NRG4: variants seen among roughly 807,000 people sequenced by gnomAD.
The protein encoded by NRG4 is neuregulin 4.
NRG4 carries 10 observed loss-of-function variants against 15.0 expected under a neutral mutation model. That is an observed-to-expected ratio of 0.67 (90% confidence interval 0.41 to 1.13). The LOEUF is 1.13. Ranked by LOEUF, NRG4 falls within the 50% of genes most tolerant of loss-of-function variation. NRG4 has a pLI of 0.00. For synonymous variants in NRG4, 41 were observed against 50.1 expected (o/e 0.82, Z 0.77); for missense variants, 139 against 140.2 (o/e 0.99, Z 0.04).
At chr15:75,968,094 T>G (rs921418678) in intron 3 of NRG4, among the ~76,000 whole-genome samples, 2 of 152,224 alleles carry the variant, frequency 1.3e-5, no homozygotes, top group African/African-American at 4.8e-5. Flanking sequence ...CATTCGCTAG[T>G]CTTTTCCAAT....
chr15:76,053,001 G>C (rs1358381060), intron 2 of NRG4: 1 of 150,942 alleles, frequency 6.6e-6, no homozygotes, highest in African/African-American at 2.5e-5. Context: ...AAAGTAAAAA[G>C]ACAAATTTTC....
At chr15:75,956,082 GAAAGT>G in intron 4 of NRG4, 71 bp from the exon 5 acceptor site, 2 of 736,564 alleles carry the variant, frequency 2.7e-6, no homozygotes, top group Middle Eastern at 2.4e-4. Flanking sequence ...GACCTAGAAA[GAAAGT>G]TTTTTTTTTT....
At chr15:76,056,948 A>T in intron 2 of NRG4, 1 of 152,224 alleles carries the variant, frequency 6.6e-6, no homozygotes, top group East Asian at 1.9e-4. Context: ...AGAAAATCTG[A>T]CTTACCTCAA....
intron 4 of NRG4, among the ~76,000 whole-genome samples, chr15:76,051,555 G>A (rs2036016614): frequency 6.8e-6 from 1 of 147,450 alleles, no homozygotes; most frequent in Admixed American, 6.7e-5. Context: ...ACATATAATT[G>A]AACAATCTTC....
intron 3 of NRG4, among the ~76,000 whole-genome samples, chr15:75,987,104 T>A (rs2033825637): frequency 6.6e-6 from 1 of 151,970 alleles, no homozygotes. Context: ...GGCCCCCAGA[T>A]CACAACAGCA....
upstream of NRG4, chr15:76,059,887 G>A (rs1216389127): frequency 6.8e-6 from 1 of 146,010 alleles, no homozygotes; most frequent in Non-Finnish European, 1.5e-5. Context: ...GCCCCCGAGC[G>A]CGGTGGGCGG....
chr15:75,946,814 AC>A (rs764644969), intron 5 of NRG4, among the ~76,000 whole-genome samples: 7 of 152,114 alleles, frequency 4.6e-5, no homozygotes, highest in Non-Finnish European at 1.0e-4. Context: ...CACAATACTT[AC>A]CTTTCGTGTT....
chr15:75,990,671 G>GT (rs374504639), intron 3 of NRG4, among the ~76,000 whole-genome samples: 54,768 of 130,264 alleles, frequency 0.42, 11,595 homozygotes, highest in South Asian at 0.62. Flanking sequence ...GTTGGTAATT[G>GT]TTTTTTTTTT....
chr15:76,059,892 G>GGGCGGAGGGGCGGAGGGAGC (rs1230107034), upstream of NRG4: 370 of 146,340 alleles, frequency 2.5e-3, no homozygotes, highest in African/African-American at 7.9e-3. Context: ...CGAGCGCGGT[G>GGGCGGAGGGGCGGAGGGAGC]GGCGGAGGGG....
intron 2 of NRG4, among the ~76,000 whole-genome samples, chr15:76,010,695 A>C (rs948171875): frequency 1.3e-5 from 2 of 152,150 alleles, no homozygotes; most frequent in African/African-American, 4.8e-5. Context: ...CAACAAGATT[A>C]TAAAATTTTT....
chr15:76,011,364 T>C (rs2034804619), intron 1 of NRG4, 78 bp from the exon 2 acceptor site: 2 of 706,024 alleles, frequency 2.8e-6, no homozygotes, highest in Non-Finnish European at 4.2e-6. Context: ...AATATTCTAA[T>C]AGCAATATTC....
At chr15:75,953,211 G>GT (rs1228126108) in intron 5 of NRG4, among the ~76,000 whole-genome samples, 1 of 152,084 alleles carries the variant, frequency 6.6e-6, no homozygotes, top group African/African-American at 2.4e-5. Context: ...GTATGTAGGG[G>GT]TTTAAATCCA....
In NRG4 at chr15:75,988,771, C is replaced by T. The variant is rs150627634; in HGVS notation, c.104+20429G>A. Among the ~76,000 whole-genome samples the T allele has an allele frequency of 7.4e-3, 1,120 of 151,310 alleles. 6 individuals carry two copies. Among genetic ancestry groups the T allele is most frequent in the Non-Finnish European group, 0.012 (811 of 67,956 alleles). On this transcript the variant is annotated intron_variant, in intron 3 of 5. Transcript: ENST00000394907. ...GAGGAAGTGGGTTTAGAGATGGGACCACAAACACCCTGAGGAATAAAACGA... is the reference window on the plus strand; with the variant it reads ...GAGGAAGTGGGTTTAGAGATGGGACTACAAACACCCTGAGGAATAAAACGA...
At chr15:75,946,891 C>A (rs2031559762) in intron 5 of NRG4, among the ~76,000 whole-genome samples, 1 of 152,146 alleles carries the variant, frequency 6.6e-6, no homozygotes, top group Admixed American at 6.5e-5. Context: ...AATTTCATTC[C>A]TTTTTAAAGC....
intron 3 of NRG4, among the ~76,000 whole-genome samples, chr15:75,990,535 A>G (rs1408351914): frequency 6.6e-6 from 1 of 152,184 alleles, no homozygotes; most frequent in East Asian, 1.9e-4. Flanking sequence ...CATTTTAAAG[A>G]GGAGAGCAAG....
chr15:75,962,028 T>C (rs1185275964), intron 3 of NRG4, 54 bp from the exon 4 acceptor site: 2 of 1,379,292 alleles, frequency 1.5e-6, no homozygotes, highest in Non-Finnish European at 2.0e-6. Flanking sequence ...ATTAGCTAGT[T>C]TGGAAGAAAA....
chr15:76,000,673 C>T (rs1449629562), intron 3 of NRG4, among the ~76,000 whole-genome samples: 2 of 152,104 alleles, frequency 1.3e-5, no homozygotes, highest in Non-Finnish European at 2.9e-5. Flanking sequence ...CTTTATTTTA[C>T]TGATATATAA....
intron 4 of NRG4, 140 bp downstream of exon 4, chr15:75,961,688 A>G (rs1019298912): frequency 7.4e-5 from 45 of 606,320 alleles, no homozygotes; most frequent in Admixed American, 1.6e-4. Context: ...TGAAATTAGT[A>G]ACAAAAACTG....
intron 3 of NRG4, among the ~76,000 whole-genome samples, chr15:75,995,115 G>A (rs1158043556): frequency 6.6e-6 from 1 of 151,964 alleles, no homozygotes; most frequent in Non-Finnish European, 1.5e-5. Context: ...TTGAACCAGG[G>A]AGGCAGAGGC....
Sources: gnomAD v4.1 joint callset for allele counts (sites outside exome capture counted in the v4.1 genomes callset) on GRCh38, gnomAD v4.1.1 for gene constraint, MANE v1.5 for transcripts, NCBI Gene and HGNC (gene_info 2026-07-23, HGNC 2026-07-21) for gene names.